MED1: variants seen among roughly 807,000 people sequenced by gnomAD.
The protein encoded by MED1 is mediator of RNA polymerase II transcription subunit 1.
Under a neutral mutation model 121.3 loss-of-function variants are expected in MED1, and 17 were observed. The ratio of observed to expected loss-of-function variants is 0.14; its 90% CI spans 0.10 to 0.21. The LOEUF (loss-of-function observed/expected upper bound fraction) is 0.21, where lower values mean the gene tolerates loss of function less well. Ranked by LOEUF, MED1 falls within the 10% of genes least tolerant of loss-of-function variation. MED1 has a pLI of 1.00. For missense variants in MED1, 1,558 were observed against 1,919.4 expected (o/e 0.81, Z 3.52); for synonymous variants, 661 against 694.4 (o/e 0.95, Z 0.76).
In MED1 at chr17:39,410,487, C is replaced by T. The variant is rs2048346445; in HGVS notation, c.1734G>A (p.Met578Ile). ...CATGCCGATCTTTGATGCTCATGCT[C>T]ATATTAAACAAGGTGGTAATGGGAC... The part of the protein sequence containing the change: ...PGGPITTLFN[M>I]SMSIKDRHES... The change falls in exon 17 of 17, where the codon ATG becomes ATA. Residue 578 changes from methionine to isoleucine, a missense_variant. Met to Ile is a conservative substitution (Grantham distance 10, BLOSUM62 1). Transcript: ENST00000300651. 1 of 1,613,966 alleles carries T rather than the reference C, an allele frequency of 6.2e-7. No individual in the cohort carries two copies. The highest frequency in any genetic ancestry group is 8.5e-7 in the Non-Finnish European group (1 of 1,180,040).
At position 39,406,731 on chromosome 17, in the gene MED1, C is replaced by T. The variant is rs1464280581; in HGVS notation, c.*744G>A. ...CTAAAGGCGGGCTCTGACTAATTTG[C>T]TTGGGCTTGATGCTACAGTATTAGC... On this transcript the variant is annotated 3_prime_UTR_variant, in exon 17 of 17. Transcript: ENST00000300651. 4.1e-6 allele frequency: 4 copies of T among 985,278 alleles called. No homozygotes were observed. Among genetic ancestry groups the T allele is most frequent in the Middle Eastern group, 5.2e-4 (1 of 1,936 alleles). 61.0% of individuals were successfully genotyped at this position (985,278 alleles called of 1,614,324 possible). A position where few individuals can be genotyped will look rare whatever the true frequency, so the allele number is the denominator to read the frequency against.
chr17:39,421,615 T>A (rs1025184780), intron 13 of MED1, among the ~76,000 whole-genome samples: 23 of 152,150 alleles, frequency 1.5e-4, no homozygotes, highest in African/African-American at 5.1e-4. Flanking sequence ...ATTGAACTCC[T>A]GAGCTCAAGT....
intron 7 of MED1, among the ~76,000 whole-genome samples, chr17:39,432,824 G>A (rs2048578626): frequency 6.6e-6 from 1 of 152,052 alleles, no homozygotes; most frequent in Non-Finnish European, 1.5e-5. Flanking sequence ...CAACACTTTG[G>A]GAGGCCGAAG....
intron 2 of MED1, among the ~76,000 whole-genome samples, chr17:39,447,288 G>A (rs1255928058): frequency 2.6e-5 from 4 of 151,920 alleles, no homozygotes; most frequent in Admixed American, 1.3e-4. Context: ...CTATTCGGGA[G>A]GCTGAGGCAG....
At chr17:39,443,858 G>T (rs369462156) in intron 2 of MED1, among the ~76,000 whole-genome samples, 1 of 152,036 alleles carries the variant, frequency 6.6e-6, no homozygotes, top group Non-Finnish European at 1.5e-5. Context: ...AGCCAGGCAC[G>T]TGGCTCATGC....
Position 39,410,088 on chromosome 17 carries a change from C to T in MED1, c.2133G>A (p.Glu711=). 3 of 1,614,092 alleles carry T rather than the reference C, an allele frequency of 1.9e-6. No homozygotes were observed. The highest frequency in any genetic ancestry group is 1.7e-6 in the Non-Finnish European group (2 of 1,180,032). ...KHQTEDDFQR[E]LFSMDVDSQN... The stretch of plus-strand genomic sequence containing the variant: ...GTGAGTCAACATCCATTGAAAATAG[C>T]TCCCTCTGAAAGTCATCTTCAGTCT... Residue 711 remains glutamate (E), a synonymous_variant, in exon 17 of 17, where the codon GAG becomes GAA. Transcript: ENST00000300651.
intron 10 of MED1, among the ~76,000 whole-genome samples, chr17:39,426,946 G>A (rs1001184897): frequency 6.6e-6 from 1 of 151,590 alleles, no homozygotes; most frequent in Non-Finnish European, 1.5e-5. Context: ...AACTCACTAC[G>A]TTGCCCAGGC....
At chr17:39,444,984 T>C (rs2048713305) in intron 2 of MED1, among the ~76,000 whole-genome samples, 1 of 152,116 alleles carries the variant, frequency 6.6e-6, no homozygotes, top group South Asian at 2.1e-4. Flanking sequence ...CGTGAACAGT[T>C]TTCTGGTATA....
At chr17:39,449,352 T>C (rs955744193) in intron 1 of MED1, among the ~76,000 whole-genome samples, 1 of 151,940 alleles carries the variant, frequency 6.6e-6, no homozygotes, top group African/African-American at 2.4e-5. Context: ...AGCTAATTTT[T>C]GTATCTGTTG....
chr17:39,439,773 A>C (rs768951967), intron 5 of MED1, among the ~76,000 whole-genome samples: 1 of 152,010 alleles, frequency 6.6e-6, no homozygotes, highest in Non-Finnish European at 1.5e-5. Context: ...CCCCGTCTCT[A>C]CTAAAAATAC....
Position 39,405,303 on chromosome 17 carries a change from T to G in MED1, c.*2172A>C. ...TCATCCAGATCCTAACTCGGGATTC[T>G]TTGATCTGGGATGAAGACAGAAAGA... is the stretch of plus-strand genomic sequence containing the variant. On this transcript the variant is annotated 3_prime_UTR_variant, in exon 17 of 17. Transcript: ENST00000300651. The G allele has an allele frequency of 1.2e-6, 2 of 1,604,802 alleles. No homozygotes were observed. The highest frequency in any genetic ancestry group is 1.7e-6 in the Non-Finnish European group (2 of 1,176,208).
At chr17:39,421,428 C>T (rs1209121474) in intron 13 of MED1, among the ~76,000 whole-genome samples, 1 of 147,482 alleles carries the variant, frequency 6.8e-6, no homozygotes, top group Non-Finnish European at 1.5e-5. Flanking sequence ...TGCACACCTA[C>T]AGTCCCAGCT....
At position 39,409,947 on chromosome 17, in the gene MED1, G is replaced by T. The variant is rs772800975; in HGVS notation, c.2274C>A (p.His758Gln). Residue 758 changes from histidine to glutamine, a missense_variant, in exon 17 of 17, where the codon CAC (histidine) becomes CAA (glutamine). Coordinates refer to ENST00000300651, the MANE Select transcript of MED1 (RefSeq NM_004774.4). Reference protein sequence around the residue: ...PPTTYPQPVPHPQPSIQRMVR... With the variant: ...PPTTYPQPVPQPQPSIQRMVR... ...CCATCCTTTGAATACTGGGTTGGGG[G>T]TGAGGTACTGGTTGTGGGTAAGTTG... 1 of 1,614,056 alleles carries T rather than the reference G, an allele frequency of 6.2e-7. No homozygotes were observed. The highest frequency in any genetic ancestry group is 1.3e-5 in the African/African-American group (1 of 74,916).
intron 8 of MED1, 91 bp downstream of exon 8, chr17:39,431,851 C>G: frequency 1.3e-6 from 1 of 789,874 alleles, no homozygotes; most frequent in Non-Finnish European, 2.1e-6. Flanking sequence ...TATTATCATA[C>G]AGGCTTAATA....
chr17:39,427,113 C>T (rs1450030183), intron 10 of MED1, among the ~76,000 whole-genome samples: 1 of 152,108 alleles, frequency 6.6e-6, no homozygotes, highest in Admixed American at 6.6e-5. Flanking sequence ...AATGAGTAAG[C>T]TGATTATCTC....
intron 1 of MED1, among the ~76,000 whole-genome samples, chr17:39,448,407 T>C (rs1464110803): frequency 1.3e-5 from 2 of 151,708 alleles, no homozygotes; most frequent in Non-Finnish European, 2.9e-5. Context: ...CCAAGCCTCC[T>C]GGCATGTGCC....
Position 39,451,212 on chromosome 17 carries a change from G to C in MED1, c.-150C>G, listed in dbSNP as rs1261017356. ...AAGGATCAATCTGAAGTCCCCGGCG[G>C]CAAGAAGAGAAGGGTGCTCGAGGCC... On this transcript the variant is annotated 5_prime_UTR_variant, in exon 1 of 17. Coordinates refer to ENST00000300651, the MANE Select transcript of MED1 (RefSeq NM_004774.4). The C allele has an allele frequency of 8.0e-6, 7 of 878,966 alleles. No individual in the cohort carries two copies. The highest frequency in any genetic ancestry group is 6.9e-5 in the African/African-American group (4 of 57,762). 54.4% of individuals were successfully genotyped at this position (878,966 alleles called of 1,614,324 possible). A position where few individuals can be genotyped will look rare whatever the true frequency, so the allele number is the denominator to read the frequency against.
At chr17:39,439,691 A>G (rs1234946884) in intron 5 of MED1, among the ~76,000 whole-genome samples, 1 of 152,016 alleles carries the variant, frequency 6.6e-6, no homozygotes, top group Non-Finnish European at 1.5e-5. Flanking sequence ...TAATCCCAAC[A>G]CTTTGGGAGG....
chr17:39,441,750 G>A (rs1050956176), intron 3 of MED1, among the ~76,000 whole-genome samples: 1 of 151,982 alleles, frequency 6.6e-6, no homozygotes, highest in African/African-American at 2.4e-5. Context: ...CTCCAGCCTG[G>A]GTGACACAGC....
Sources: allele counts gnomAD v4.1 joint callset (sites outside exome capture counted in the v4.1 genomes callset), GRCh38; gene constraint gnomAD v4.1.1; transcripts MANE v1.5; gene names NCBI Gene and HGNC (gene_info 2026-07-23, HGNC 2026-07-21).